The following TASOR variants were observed in gnomAD, a reference collection of about 807,000 sequenced individuals.
The protein encoded by TASOR is protein TASOR.
TASOR carries 53 observed loss-of-function variants against 178.6 expected under a neutral mutation model. That is an observed-to-expected ratio of 0.30 (90% CI 0.24 to 0.37). The LOEUF is 0.37. Among genes scored for constraint, TASOR ranks in the 10% least tolerant of loss-of-function variants. The probability of loss-of-function intolerance (pLI) is 1.00; values close to 1 mark genes in which losing one functional copy is unlikely to be tolerated. For synonymous variants in TASOR, 713 were observed against 696.2 expected, an observed-to-expected ratio of 1.02 and a Z score of -0.38; for missense variants, 1,815 against 1,971.4, an observed-to-expected ratio of 0.92 and a Z score of 1.50.
chr3:56,626,605 T>C (rs2076804008), intron 21 of TASOR, among the ~76,000 whole-genome samples: 1 of 152,056 alleles, frequency 6.6e-6, no homozygotes, highest in Non-Finnish European at 1.5e-5. Context: ...TAGCTGGGCA[T>C]GGTGGCGGGC....
intron 13 of TASOR, among the ~76,000 whole-genome samples, 190 bp downstream of exon 13, chr3:56,648,632 A>C (rs1286265547): frequency 3.9e-5 from 1 of 25,366 alleles, no homozygotes; most frequent in Non-Finnish European, 5.7e-5. Flanking sequence ...ACTCTGTATC[A>C]AAAAAAAAAA....
At chr3:56,631,933 G>A (rs973796728) in intron 18 of TASOR, among the ~76,000 whole-genome samples, 2 of 151,980 alleles carry the variant, frequency 1.3e-5, no homozygotes, top group Non-Finnish European at 2.9e-5. Context: ...CTGCAGCTTC[G>A]GTAGAAAAAA....
At position 56,633,180 on chromosome 3, in the gene TASOR, G is replaced by A. The variant is rs1308906383; in HGVS notation, c.3611C>T (p.Ala1204Val). ...PSDVNISAQP[A>V]LSNFISQLEP... ...TAACTGGCTTATAAAATTTGAAAGAGCTGGTTGAGCAGAAATGTTTACATC... is the reference window on the plus strand; with the variant it reads ...TAACTGGCTTATAAAATTTGAAAGAACTGGTTGAGCAGAAATGTTTACATC... Residue 1204 changes from alanine to valine, a missense_variant, in exon 18 of 24, where the codon GCT becomes GTT. Ala to Val is a moderately conservative substitution (Grantham distance 64, BLOSUM62 0). Transcript: ENST00000683822. The A allele has an allele frequency of 1.2e-6, 2 of 1,614,044 alleles. No homozygotes were observed. Among genetic ancestry groups the A allele is most frequent in the East Asian group, 4.5e-5 (2 of 44,894 alleles).
intron 3 of TASOR, among the ~76,000 whole-genome samples, chr3:56,670,940 C>CAAAAAAAAAAAAAAAAAA (rs11300845): frequency 5.5e-5 from 3 of 54,204 alleles, no homozygotes; most frequent in African/African-American, 2.2e-4. Context: ...GACTCCATCT[C>CAAAAAAAAAAAAAAAAAA]AAAAAAAAAA....
Position 56,666,439 on chromosome 3 carries a change from A to G in TASOR, c.898-55T>C, listed in dbSNP as rs770396268. ...CTTTAAAAAGGCAAGGTGAAACCTTATATTTAACTGCCTGATTTCTGAGAA... is the reference window on the plus strand; with the variant it reads ...CTTTAAAAAGGCAAGGTGAAACCTTGTATTTAACTGCCTGATTTCTGAGAA... On this transcript the variant is annotated intron_variant, in intron 6 of 23. Transcript: ENST00000683822. The G allele has an allele frequency of 3.1e-6, 4 of 1,301,994 alleles. No individual in the cohort carries two copies. The South Asian group carries it at 5.7e-5, about 19-fold the overall frequency. The allele number at this position is 1,301,994 out of a possible 1,614,324, so 80.7% of individuals were successfully genotyped here.
intron 17 of TASOR, among the ~76,000 whole-genome samples, chr3:56,634,709 C>T (rs1379538983): frequency 6.6e-6 from 1 of 152,104 alleles, no homozygotes; most frequent in Non-Finnish European, 1.5e-5. Flanking sequence ...CAGATGTTAG[C>T]TGATACTAAG....
chr3:56,641,344 C>T lies in TASOR; in HGVS notation c.2619+5G>A. ...CACAAAGGTAACCAACAGCTATATG[C>T]TTACTTCTTTCAAATGTAGCTTATG... is the stretch of plus-strand genomic sequence containing the variant. On this transcript the variant is annotated splice_donor_5th_base_variant and intron_variant, in intron 15 of 23. Transcript: ENST00000683822. 1 of 1,582,904 alleles carries T rather than the reference C, an allele frequency of 6.3e-7. No individual in the cohort carries two copies. Among genetic ancestry groups the T allele is most frequent in the Non-Finnish European group, 8.6e-7 (1 of 1,156,604 alleles).
At chr3:56,661,316 T>A (rs1224929546) in intron 9 of TASOR, among the ~76,000 whole-genome samples, 1 of 152,020 alleles carries the variant, frequency 6.6e-6, no homozygotes, top group African/African-American at 2.4e-5. Context: ...TAGGGTAATT[T>A]TGGTTTTTTT....
At position 56,682,911 on chromosome 3, in the gene TASOR, C is replaced by T. The variant is rs1265259637; in HGVS notation, c.96G>A (p.Pro32=). 5 of 1,539,410 alleles carry T rather than the reference C, an allele frequency of 3.2e-6. No homozygotes were observed. The highest frequency in any genetic ancestry group is 4.4e-6 in the Non-Finnish European group (5 of 1,137,694). ...GGDDEMKQAL[P]ELESSQQNGG... The stretch of plus-strand genomic sequence containing the variant: ...CATTTTGTTGGGAGGACTCAAGCTC[C>T]GGAAGCGCCTGCTTCATCTCGTCGT... The change falls in exon 1 of 24, where the codon CCG becomes CCA. Residue 32 remains proline, a synonymous_variant. Transcript: ENST00000683822.
At chr3:56,669,416 T>C (rs1206581607) in intron 5 of TASOR, among the ~76,000 whole-genome samples, 1 of 151,592 alleles carries the variant, frequency 6.6e-6, no homozygotes, top group Non-Finnish European at 1.5e-5. Context: ...AGCAGGAGAA[T>C]GGCATGAACT....
chr3:56,627,008 C>G (rs1460246900), intron 21 of TASOR, 29 bp downstream of exon 21: 9 of 1,310,720 alleles, frequency 6.9e-6, no homozygotes, highest in Non-Finnish European at 9.8e-6. Context: ...AAATCAACAA[C>G]CATTATATAG....
chr3:56,642,205 G>C (rs1297107220), intron 14 of TASOR, among the ~76,000 whole-genome samples: 2 of 152,126 alleles, frequency 1.3e-5, no homozygotes, highest in Non-Finnish European at 2.9e-5. Flanking sequence ...GGCATTGGCT[G>C]ACACACTTAA....
rs1459395470 is a variant in TASOR at position 56,620,397 on chromosome 3, C to G, written c.*2640G>C. 6.5e-6 allele frequency: 1 copy of G among 153,074 alleles called. No homozygotes were observed. The highest frequency in any genetic ancestry group is 1.5e-5 in the Non-Finnish European group (1 of 68,720). The allele number at this position is 153,074 out of a possible 1,614,324, so 9.5% of individuals were successfully genotyped here. On this transcript the variant is annotated 3_prime_UTR_variant, in exon 24 of 24. Transcript: ENST00000683822. ...CAAACTATTGTGACTTCTTTTTGCT[C>G]TCTGATTAAAACAAACAGGTAACAT...
intron 1 of TASOR, among the ~76,000 whole-genome samples, chr3:56,679,645 T>C (rs571807652): frequency 6.6e-6 from 1 of 152,330 alleles, no homozygotes; most frequent in East Asian, 1.9e-4. Flanking sequence ...TGAGACTCCC[T>C]TGGACCCTAC....
chr3:56,659,638 G>A (rs1189154948), intron 11 of TASOR, among the ~76,000 whole-genome samples: 1 of 152,124 alleles, frequency 6.6e-6, no homozygotes, highest in Admixed American at 6.5e-5. Context: ...TTATTCTCGA[G>A]TAACTAACGT....
intron 6 of TASOR, 31 bp downstream of exon 6, chr3:56,668,366 T>C (rs1371457826): frequency 1.3e-6 from 2 of 1,545,648 alleles, no homozygotes; most frequent in Non-Finnish European, 1.7e-6. Flanking sequence ...AGGTATGAGA[T>C]CACAACATTA....
rs368464374 is a variant in TASOR, at chr3:56,647,999, G to T, written c.1514-776C>A. 5.3e-5 allele frequency among the ~76,000 whole-genome samples: 8 copies of T among 151,310 alleles called. No homozygotes were observed. In the East Asian group the frequency reaches 1.4e-3, roughly 26 times the overall value. The stretch of plus-strand genomic sequence containing the variant: ...GGATCGCTTCAGGCCAGGAGTTCAA[G>T]AACAACCTAGACAATATAGTGAGAT... On this transcript the variant is annotated intron_variant, in intron 13 of 23. Coordinates refer to ENST00000683822, the MANE Select transcript of TASOR (RefSeq NM_001365635.2).
In TASOR at chr3:56,631,555, G is replaced by GGC. The variant is rs1370737133; in HGVS notation, c.3747+1487_3747+1488dup. ...GTCTAAACATACAGACACACAGAAA[G>GGC]GCGTGTGTGTGTGTGTCTGTGTTTT... On this transcript the variant is annotated intron_variant, in intron 18 of 23. Coordinates refer to ENST00000683822, the MANE Select transcript of TASOR (RefSeq NM_001365635.2). Among the ~76,000 whole-genome samples, 4 of 140,042 alleles carry GGC rather than the reference G, an allele frequency of 2.9e-5. No individual in the cohort carries two copies. In the South Asian group the frequency reaches 8.0e-4, roughly 28 times the overall value. The allele number at this position is 140,042 out of a possible 152,430, so 91.9% of individuals were successfully genotyped here.
chr3:56,683,068 G>T lies in TASOR; in HGVS notation c.-62C>A, dbSNP rs967650866. On this transcript the variant is annotated 5_prime_UTR_variant, in exon 1 of 24. Coordinates refer to ENST00000683822, the MANE Select transcript of TASOR (RefSeq NM_001365635.2). ...ACAAGGTCGACGGGTGTGGGGGGAA[G>T]GGGCGGCGGGCCAGTCTCGCCGCCG... 7.0e-7 allele frequency: 1 copy of T among 1,432,136 alleles called. No homozygotes were observed. Among genetic ancestry groups the T allele is most frequent in the South Asian group, 1.4e-5 (1 of 69,300 alleles). 88.7% of individuals were successfully genotyped at this position (1,432,136 alleles called of 1,614,324 possible). A position where few individuals can be genotyped will look rare whatever the true frequency, so the allele number is the denominator to read the frequency against.
Sources: allele counts gnomAD v4.1 joint callset (sites outside exome capture counted in the v4.1 genomes callset), GRCh38; gene constraint gnomAD v4.1.1; transcripts MANE v1.5; gene names NCBI Gene and HGNC (gene_info 2026-07-23, HGNC 2026-07-21).